Variants in MGAT4C observed in about 807,000 individuals in gnomAD.
MGAT4C encodes the protein alpha-1,3-mannosyl-glycoprotein 4-beta-N-acetylglucosaminyltransferase C.
In MGAT4C, 19 loss-of-function variants were observed where a neutral mutation model predicts 40.1. That is an observed-to-expected ratio of 0.47 (90% CI 0.33 to 0.70). The LOEUF is 0.70. Ranked by LOEUF, MGAT4C falls within the 30% of genes least tolerant of loss-of-function variation. MGAT4C has a pLI of 0.02. For synonymous variants in MGAT4C, 181 were observed against 187.1 expected (o/e 0.97, Z 0.27); for missense variants, 491 against 563.2 (o/e 0.87, Z 1.30).
chr12:86,257,361 A>T (rs941055629), upstream of MGAT4C, among the ~76,000 whole-genome samples: 1 of 152,220 alleles, frequency 6.6e-6, no homozygotes, highest in Non-Finnish European at 1.5e-5. Context: ...TGTCAACCGC[A>T]TAACTGTGAG....
intron 2 of MGAT4C, among the ~76,000 whole-genome samples, chr12:86,042,190 T>C (rs1891925511): frequency 6.6e-6 from 1 of 152,230 alleles, no homozygotes; most frequent in African/African-American, 2.4e-5. Flanking sequence ...TTAACTTTAA[T>C]CCTATGGATG....
intron 2 of MGAT4C, among the ~76,000 whole-genome samples, chr12:86,711,929 G>T (rs992491125): frequency 1.3e-5 from 2 of 152,104 alleles, no homozygotes; most frequent in Admixed American, 6.6e-5. Flanking sequence ...TAACTGCACA[G>T]ATCATATGCC....
At chr12:86,573,162 A>C (rs1275121640) in intron 2 of MGAT4C, among the ~76,000 whole-genome samples, 1 of 152,026 alleles carries the variant, frequency 6.6e-6, no homozygotes, top group Non-Finnish European at 1.5e-5. Flanking sequence ...GAAATGTATA[A>C]AGAAAACAAC....
chr12:86,396,781 A>C (rs1042198684), intron 3 of MGAT4C, among the ~76,000 whole-genome samples: 2 of 152,160 alleles, frequency 1.3e-5, no homozygotes, highest in Admixed American at 6.5e-5. Flanking sequence ...CTCATTCATG[A>C]AAAAAGCACA....
chr12:86,061,371 G>C (rs1160416722), intron 1 of MGAT4C, among the ~76,000 whole-genome samples: 4 of 152,148 alleles, frequency 2.6e-5, no homozygotes, highest in Non-Finnish European at 5.9e-5. Flanking sequence ...CTGCGGACCA[G>C]GAGATTCCCT....
chr12:86,491,875 A>C (rs1332033582), intron 2 of MGAT4C, among the ~76,000 whole-genome samples: 2 of 152,146 alleles, frequency 1.3e-5, no homozygotes, highest in African/African-American at 2.4e-5. Flanking sequence ...TGCAGACGAC[A>C]TGACTGTATA....
chr12:86,824,420 T>A (rs955478089), intron 1 of MGAT4C, among the ~76,000 whole-genome samples: 1 of 151,286 alleles, frequency 6.6e-6, no homozygotes, highest in African/African-American at 2.4e-5. Context: ...AGGAAAAAAA[T>A]AAATTTGTAC....
intron 1 of MGAT4C, among the ~76,000 whole-genome samples, chr12:86,817,603 T>G (rs1952631136): frequency 6.6e-6 from 1 of 151,652 alleles, no homozygotes; most frequent in Admixed American, 6.6e-5. Flanking sequence ...GTAAATATTT[T>G]GAACCTTTGT....
At chr12:86,539,703 G>A (rs1959139072) in intron 2 of MGAT4C, among the ~76,000 whole-genome samples, 1 of 152,146 alleles carries the variant, frequency 6.6e-6, no homozygotes, top group African/African-American at 2.4e-5. Context: ...ACTTTTTAAT[G>A]ATAGCCATTC....
At chr12:86,067,982 C>T (rs1008688844) in intron 1 of MGAT4C, 1 of 152,108 alleles carries the variant, frequency 6.6e-6, no homozygotes, top group Non-Finnish European at 1.5e-5. Context: ...ATTTGCTCCT[C>T]ACCAAAAAAT....
At chr12:86,800,769 A>G (rs943844759) in intron 1 of MGAT4C, among the ~76,000 whole-genome samples, 1 of 151,938 alleles carries the variant, frequency 6.6e-6, no homozygotes, top group African/African-American at 2.4e-5. Flanking sequence ...AGAGCCTGAC[A>G]AAGACTTTCT....
chr12:86,206,543 T>C (rs6538026), intron 1 of MGAT4C, among the ~76,000 whole-genome samples: 102,766 of 151,802 alleles, frequency 0.68, 35,101 homozygotes, highest in South Asian at 0.76. Flanking sequence ...TTTTTTTGTT[T>C]TCCTGTATTC....
chr12:86,075,129 C>A (rs1335900224), intron 1 of MGAT4C, among the ~76,000 whole-genome samples: 1 of 152,184 alleles, frequency 6.6e-6, no homozygotes, highest in African/African-American at 2.4e-5. Context: ...CACCTATGAG[C>A]CTGTAATATC....
chr12:86,454,694 G>T (rs1490091326), intron 2 of MGAT4C, among the ~76,000 whole-genome samples: 1 of 152,026 alleles, frequency 6.6e-6, no homozygotes, highest in Non-Finnish European at 1.5e-5. Context: ...ACTGGTTTGG[G>T]CACTGGAGTA....
At chr12:86,711,703 AT>A (rs1950558843) in intron 2 of MGAT4C, among the ~76,000 whole-genome samples, 1 of 152,184 alleles carries the variant, frequency 6.6e-6, no homozygotes, top group South Asian at 2.1e-4. Flanking sequence ...TTAAGCTGAT[AT>A]TTTTAAATTA....
At chr12:86,664,923 CATA>C (rs1964066698) in intron 2 of MGAT4C, among the ~76,000 whole-genome samples, 1 of 152,036 alleles carries the variant, frequency 6.6e-6, no homozygotes, top group African/African-American at 2.4e-5. Flanking sequence ...TTAGTTGTGT[CATA>C]ATATCTGAAT....
chr12:86,443,292 C>G, intron 2 of MGAT4C, among the ~76,000 whole-genome samples: 1 of 152,002 alleles, frequency 6.6e-6, no homozygotes, highest in East Asian at 1.9e-4. Context: ...ACAGGTTTCT[C>G]AAACATAATT....
At chr12:86,473,645 T>C (rs1453987600) in intron 2 of MGAT4C, among the ~76,000 whole-genome samples, 1 of 152,174 alleles carries the variant, frequency 6.6e-6, no homozygotes, top group Non-Finnish European at 1.5e-5. Context: ...ATTCAAATAA[T>C]GGCAATATTG....
intron 1 of MGAT4C, among the ~76,000 whole-genome samples, chr12:86,825,996 T>C (rs1362961309): frequency 6.6e-6 from 1 of 151,366 alleles, no homozygotes; most frequent in African/African-American, 2.4e-5. Flanking sequence ...CTACTTCAGA[T>C]CAATTGGGGT....
Sources: allele counts gnomAD v4.1 joint callset (sites outside exome capture counted in the v4.1 genomes callset), GRCh38; gene constraint gnomAD v4.1.1; transcripts MANE v1.5; gene names NCBI Gene and HGNC (gene_info 2026-07-23, HGNC 2026-07-21).